The following FGF13 variants were observed in gnomAD, a reference collection of about 807,000 sequenced individuals.
FGF13 encodes fibroblast growth factor homologous factor 2.
A neutral mutation model predicts 19.5 loss-of-function variants in FGF13; 2 were observed. That is an observed-to-expected ratio of 0.10 (90% confidence interval 0.04 to 0.32). FGF13 has a LOEUF of 0.32. Ranked by LOEUF, FGF13 falls within the 10% of genes least tolerant of loss-of-function variation. The pLI is 1.00. For missense variants in FGF13, 113 were observed against 192.7 expected (o/e 0.59, Z 2.45); for synonymous variants, 72 against 76.9 (o/e 0.94, Z 0.33).
chrX:138,711,450 G>C lies in FGF13; in HGVS notation c.-447C>G. The C allele has an allele frequency of 2.8e-6, 2 of 703,267 alleles. No individual in the cohort carries two copies. The highest frequency in any genetic ancestry group is 3.4e-6 in the Non-Finnish European group (2 of 591,225). 58.0% of individuals were successfully genotyped at this position (703,267 alleles called of 1,213,427 possible). On this transcript the variant is annotated 5_prime_UTR_variant, in exon 1 of 5. Transcript: ENST00000315930. ...CGGGCGGAGGGAGTGAGCGCGGGCGGGAGAGAGGCCGGGAGCTCGGGCGGC... is the reference window on the plus strand; with the variant it reads ...CGGGCGGAGGGAGTGAGCGCGGGCGCGAGAGAGGCCGGGAGCTCGGGCGGC...
At chrX:139,006,544 C>A (rs1356359956) in intron 1 of FGF13, among the ~76,000 whole-genome samples, 1 of 110,305 alleles carries the variant, frequency 9.1e-6, no homozygotes, top group Non-Finnish European at 1.9e-5. Context: ...AATATCATAA[C>A]ACTGTAAGTG....
intron 1 of FGF13, among the ~76,000 whole-genome samples, chrX:139,182,270 A>AGTGTG (rs2084246553): frequency 1.8e-5 from 2 of 111,914 alleles, no homozygotes; most frequent in Middle Eastern, 4.2e-3. Context: ...GAAGGTCCAC[A>AGTGTG]CAGCAAAAGG....
chrX:138,837,905 T>C (rs2091123705), intron 3 of FGF13, among the ~76,000 whole-genome samples: 1 of 112,058 alleles, frequency 8.9e-6, no homozygotes, highest in African/African-American at 3.2e-5. Context: ...CTGGCTTGAG[T>C]GGGTGGTGGC....
chrX:138,871,811 T>C (rs1302402038), intron 1 of FGF13, among the ~76,000 whole-genome samples: 2 of 111,246 alleles, frequency 1.8e-5, no homozygotes, highest in Non-Finnish European at 3.8e-5. Context: ...AACTGAGAGA[T>C]TGAAGAGGAG....
At chrX:138,868,954 A>G (rs1205497794) in intron 1 of FGF13, among the ~76,000 whole-genome samples, 1 of 110,978 alleles carries the variant, frequency 9.0e-6, no homozygotes, top group Non-Finnish European at 1.9e-5. Context: ...TTCTAGTGCT[A>G]GCGGCAAAAA....
chrX:138,950,199 C>G (rs760653961), intron 1 of FGF13, among the ~76,000 whole-genome samples: 13 of 111,710 alleles, frequency 1.2e-4, no homozygotes, highest in African/African-American at 4.2e-4. Flanking sequence ...AATGACCTCA[C>G]ATATCAAACA....
chrX:138,852,154 T>C (rs2091226837), intron 3 of FGF13, among the ~76,000 whole-genome samples: 1 of 112,008 alleles, frequency 8.9e-6, no homozygotes. Context: ...AAGTAATTTA[T>C]AGATTCAATG....
chrX:139,149,891 G>A (rs778144174), intron 1 of FGF13, among the ~76,000 whole-genome samples: 1 of 111,947 alleles, frequency 8.9e-6, no homozygotes, highest in Admixed American at 9.5e-5. Flanking sequence ...CAGAACTCAG[G>A]TGATAATGGG....
intron 1 of FGF13, among the ~76,000 whole-genome samples, chrX:139,087,681 C>T (rs2083413257): frequency 2.7e-5 from 3 of 111,425 alleles, no homozygotes; most frequent in African/African-American, 9.8e-5. Flanking sequence ...CACACCTTCT[C>T]GGCCCTACCA....
intron 1 of FGF13, among the ~76,000 whole-genome samples, chrX:139,016,603 G>A (rs1442309411): frequency 8.9e-6 from 1 of 112,184 alleles, no homozygotes; most frequent in African/African-American, 3.2e-5. Flanking sequence ...TAAGGCAGCT[G>A]GACTCGGGAG....
At position 138,981,764 on chromosome X, in the gene FGF13, G is replaced by T. The variant is rs755445935; in HGVS notation, c.-112-117114C>A. Reference sequence around the variant, plus strand: ...CTAGACTTGGTGGCCATGCCATGAAGCCCTTCTCATACTCAGTCCCCTTAC... The same window carrying T: ...CTAGACTTGGTGGCCATGCCATGAATCCCTTCTCATACTCAGTCCCCTTAC... On this transcript the variant is annotated intron_variant, in intron 1 of 2. Transcript: ENST00000421460. Among the ~76,000 whole-genome samples the T allele has an allele frequency of 2.7e-5, 3 of 111,062 alleles. No individual in the cohort carries two copies. The East Asian group carries it at 8.6e-4, about 32-fold the overall frequency.
intron 1 of FGF13, among the ~76,000 whole-genome samples, chrX:139,046,718 A>C (rs887099629): frequency 8.9e-6 from 1 of 111,817 alleles, no homozygotes; most frequent in African/African-American, 3.3e-5. Flanking sequence ...TTTCCCAATG[A>C]ACTTTTAACT....
chrX:138,824,264 T>C (rs1381438300), intron 3 of FGF13, among the ~76,000 whole-genome samples: 1 of 112,199 alleles, frequency 8.9e-6, no homozygotes, highest in East Asian at 2.8e-4. Flanking sequence ...TGGACTTTCA[T>C]CTGCAAAGTC....
chrX:138,932,124 A>T (rs2091704354), intron 1 of FGF13, among the ~76,000 whole-genome samples: 1 of 111,648 alleles, frequency 9.0e-6, no homozygotes, highest in South Asian at 3.8e-4. Flanking sequence ...CTGAGATTGG[A>T]TCCAATGGAG....
At chrX:138,929,759 A>G (rs144895543) in intron 1 of FGF13, among the ~76,000 whole-genome samples, 1 of 110,340 alleles carries the variant, frequency 9.1e-6, no homozygotes, top group East Asian at 2.9e-4. Context: ...TGTTGGCTGC[A>G]TGAGTCCACA....
intron 3 of FGF13, among the ~76,000 whole-genome samples, chrX:138,787,004 CAG>C (rs2090698713): frequency 1.8e-5 from 2 of 112,390 alleles, no homozygotes; most frequent in African/African-American, 6.5e-5. Flanking sequence ...CCTTGTGAAA[CAG>C]AGAAATCTTA....
upstream of FGF13, among the ~76,000 whole-genome samples, chrX:138,741,558 C>T (rs982544729): frequency 1.8e-5 from 2 of 111,711 alleles, no homozygotes; most frequent in African/African-American, 3.3e-5. Flanking sequence ...CCCTCAGTAC[C>T]CCATGCTCCT....
At chrX:138,710,776 T>C in intron 1 of FGF13, 41 bp downstream of exon 1, 3 of 1,202,809 alleles carry the variant, frequency 2.5e-6, no homozygotes, top group Non-Finnish European at 2.2e-6. Flanking sequence ...CCCACCTCAC[T>C]CGTAAAGTAT....
intron 1 of FGF13, among the ~76,000 whole-genome samples, chrX:138,941,571 C>T (rs149149606): frequency 0.028 from 3,090 of 111,853 alleles, 116 homozygotes; most frequent in African/African-American, 0.095. Context: ...AAATGGAAAA[C>T]ATTCCATGCT....
Sources: gnomAD v4.1 joint callset for allele counts (sites outside exome capture counted in the v4.1 genomes callset) on GRCh38, gnomAD v4.1.1 for gene constraint, MANE v1.5 for transcripts, NCBI Gene and HGNC (gene_info 2026-07-23, HGNC 2026-07-21) for gene names.